Variants in DNAI7 observed in about 807,000 individuals in gnomAD.
DNAI7 encodes dynein axonemal intermediate chain 7.
DNAI7 carries 78 observed loss-of-function variants against 86.6 expected under a neutral mutation model. The observed-to-expected ratio is 0.90, with a 90% confidence interval of 0.75 to 1.09. DNAI7 has a LOEUF of 1.09. Ranked by LOEUF, DNAI7 falls within the 50% of genes least tolerant of loss-of-function variation. DNAI7 has a pLI of 0.00. For synonymous variants in DNAI7, 274 were observed against 273.0 expected (o/e 1.00, Z -0.04); for missense variants, 753 against 810.2 (o/e 0.93, Z 0.86).
rs199504997 is a variant in DNAI7, at chr12:25,114,760, G to A, written c.1507C>T (p.His503Tyr). 2.5e-5 allele frequency: 40 copies of A among 1,613,612 alleles called. No individual in the cohort carries two copies. Among genetic ancestry groups the A allele is most frequent in the Non-Finnish European group, 3.3e-5 (39 of 1,179,710 alleles). Residue 503 changes from histidine to tyrosine, a missense_variant, in exon 13 of 16, where the codon CAT (histidine) becomes TAT (tyrosine). By Grantham distance (83) the His-to-Tyr change is moderately conservative. Transcript: ENST00000395987. ...CATGACTGGTACGGCATGTTAATAT[G>A]AGCATCTTGAATCAAGGTAACAGGG... ...FGPVTLIQDA[H>Y]INMPYQSWEL... is the part of the protein sequence containing the mutation.
Position 25,108,399 on chromosome 12 carries a change from AAAT to A in DNAI7, c.*146_*148del. 1.4e-6 allele frequency: 1 copy of A among 702,250 alleles called. No individual in the cohort carries two copies. Among genetic ancestry groups the A allele is most frequent in the Non-Finnish European group, 2.2e-6 (1 of 458,182 alleles). 43.5% of individuals were successfully genotyped at this position (702,250 alleles called of 1,614,324 possible). A position where few individuals can be genotyped will look rare whatever the true frequency, so the allele number is the denominator to read the frequency against. ...AAAGGAAAAAAAAATACTGTTTTTA[AAAT>A]AAAACTTGAGTAGAAAATGCAGATT... On this transcript the variant is annotated 3_prime_UTR_variant, in exon 16 of 16. Coordinates refer to ENST00000395987, the MANE Select transcript of DNAI7 (RefSeq NM_018272.5).
chr12:25,160,466 C>T (rs1592522222), intron 3 of DNAI7, among the ~76,000 whole-genome samples: 1 of 152,212 alleles, frequency 6.6e-6, no homozygotes, highest in East Asian at 1.9e-4. Flanking sequence ...ATCACCTGCT[C>T]CACCCTAACT....
At chr12:25,152,160 A>G (rs1044032923) in intron 6 of DNAI7, among the ~76,000 whole-genome samples, 11 of 152,220 alleles carry the variant, frequency 7.2e-5, no homozygotes, top group Non-Finnish European at 1.5e-4. Flanking sequence ...AGGGATAGGA[A>G]TGACAGAAAC....
chr12:25,158,851 C>G, intron 3 of DNAI7: 1 of 357,796 alleles, frequency 2.8e-6, no homozygotes, highest in Non-Finnish European at 5.2e-6. Context: ...TGTTCATCAC[C>G]ACTGGTCATC....
intron 9 of DNAI7, among the ~76,000 whole-genome samples, chr12:25,139,425 C>A (rs1481228637): frequency 6.6e-6 from 1 of 152,192 alleles, no homozygotes; most frequent in Middle Eastern, 3.4e-3. Context: ...AACTACAGAC[C>A]AATATCCCTG....
rs1467889816 is a variant in DNAI7, at chr12:25,114,848, G to A, written c.1419C>T (p.Gly473=). The A allele has an allele frequency of 1.2e-6, 2 of 1,612,924 alleles. No individual in the cohort carries two copies. Among genetic ancestry groups the A allele is most frequent in the Admixed American group, 1.7e-5 (1 of 59,992 alleles). Reference sequence around the variant, plus strand: ...TTGGTTTGTAGGATACATTGCTGATGCCATCAGTTCTCCAATGTTTACCTT... The same window carrying A: ...TTGGTTTGTAGGATACATTGCTGATACCATCAGTTCTCCAATGTTTACCTT... The part of the protein sequence containing the change: ...DAEGKHWRTD[G]ISNVSYKPKE... Residue 473 remains glycine, a synonymous_variant, in exon 13 of 16, where the codon GGC becomes GGT. Transcript: ENST00000395987.
At chr12:25,173,198 A>T (rs1948327476) in intron 2 of DNAI7, among the ~76,000 whole-genome samples, 1 of 152,210 alleles carries the variant, frequency 6.6e-6, no homozygotes, top group African/African-American at 2.4e-5. Flanking sequence ...CAATGTATAC[A>T]TCTGACAAAG....
At chr12:25,122,246 C>A (rs1460559684) in intron 10 of DNAI7, among the ~76,000 whole-genome samples, 1 of 151,850 alleles carries the variant, frequency 6.6e-6, no homozygotes, top group Non-Finnish European at 1.5e-5. Context: ...TCGCTTGAGC[C>A]TAGGAGTTTA....
chr12:25,121,471 GA>G (rs1941282572), intron 11 of DNAI7, among the ~76,000 whole-genome samples: 1 of 152,136 alleles, frequency 6.6e-6, no homozygotes, highest in South Asian at 2.1e-4. Flanking sequence ...CTCTGATCTA[GA>G]ATATTATTAT....
At chr12:25,127,907 T>C (rs1942370789) in intron 9 of DNAI7, among the ~76,000 whole-genome samples, 1 of 152,218 alleles carries the variant, frequency 6.6e-6, no homozygotes, top group South Asian at 2.1e-4. Flanking sequence ...TAGGTTTATA[T>C]GGTATGTGTT....
rs528748078 is a variant in DNAI7, at chr12:25,165,577, TCTGA to T, written c.22-4384_22-4381del. Among the ~76,000 whole-genome samples, 485 of 152,370 alleles carry T rather than the reference TCTGA, an allele frequency of 3.2e-3. 1 individual carries two copies. The highest frequency in any genetic ancestry group is 0.011 in the African/African-American group (464 of 41,586). ...CCCCTGGAACTCTGGCCCAAGGCTC[TCTGA>T]CTGACTCCTTCCCAGATCTTCTCAG... is the stretch of plus-strand genomic sequence containing the variant. On this transcript the variant is annotated intron_variant, in intron 2 of 15. Transcript: ENST00000395987.
rs745677525 is a variant in DNAI7, at chr12:25,147,076, CT to C, written c.613del (p.Ser205ValfsTer45). 1 of 1,601,856 alleles carries C rather than the reference CT, an allele frequency of 6.2e-7. No homozygotes were observed. Among genetic ancestry groups the C allele is most frequent in the East Asian group, 2.2e-5 (1 of 44,814 alleles). On this transcript the variant is annotated frameshift_variant, in exon 8 of 16. Coordinates refer to ENST00000395987, the MANE Select transcript of DNAI7 (RefSeq NM_018272.5). LOFTEE classifies it high-confidence loss of function. ...TTTAATGACTTTTTCCATATTTCCA[CT>C]GTCCAGATCTGCCAAAGTACTAGCT... ...KQASTLADLDSGNMEKVIKDE... is the reference protein window; with the variant it reads ...KQASTLADLDXGNMEKVIKDE...
chr12:25,136,854 A>G (rs537281276), intron 9 of DNAI7, among the ~76,000 whole-genome samples: 1 of 152,266 alleles, frequency 6.6e-6, no homozygotes, highest in African/African-American at 2.4e-5. Context: ...AACCCAACCC[A>G]ACAAAGAAAA....
chr12:25,141,727 G>T (rs1006470086), intron 9 of DNAI7, among the ~76,000 whole-genome samples: 1 of 152,114 alleles, frequency 6.6e-6, no homozygotes, highest in African/African-American at 2.4e-5. Flanking sequence ...CTACTCAGGA[G>T]TCTCAGGCAA....
intron 2 of DNAI7, among the ~76,000 whole-genome samples, chr12:25,184,966 TAAAA>T (rs35375688): frequency 9.4e-6 from 1 of 106,512 alleles, no homozygotes; most frequent in Non-Finnish European, 2.0e-5. Context: ...CCCATCTCTA[TAAAA>T]AAAAAAAAAA....
At chr12:25,186,059 A>G (rs1041371731) in intron 2 of DNAI7, among the ~76,000 whole-genome samples, 3 of 152,208 alleles carry the variant, frequency 2.0e-5, no homozygotes, top group Non-Finnish European at 4.4e-5. Context: ...AATCATCTAT[A>G]TATTCATCAA....
Position 25,108,746 on chromosome 12 carries a change from T to C in DNAI7, c.1971A>G (p.Gln657=). 6.7e-7 allele frequency: 1 copy of C among 1,499,778 alleles called. No homozygotes were observed. The highest frequency in any genetic ancestry group is 9.0e-7 in the Non-Finnish European group (1 of 1,110,242). The allele number at this position is 1,499,778 out of a possible 1,614,324, so 92.9% of individuals were successfully genotyped here. A position where few individuals can be genotyped will look rare whatever the true frequency, so the allele number is the denominator to read the frequency against. The part of the protein sequence containing the change: ...ALLMFSGDRA[Q]RLKIKEESEA... ...CACTCTCTTCCTTGATCTTCAGTCTTTGTGCTCTGTCACCACTAAACATTA... is the reference window on the plus strand; with the variant it reads ...CACTCTCTTCCTTGATCTTCAGTCTCTGTGCTCTGTCACCACTAAACATTA... The change falls in exon 16 of 16, where the codon CAA becomes CAG. Residue 657 remains glutamine (Q), a synonymous_variant. Coordinates refer to ENST00000395987, the MANE Select transcript of DNAI7 (RefSeq NM_018272.5).
chr12:25,185,382 ATAT>A (rs1340103609), intron 2 of DNAI7, among the ~76,000 whole-genome samples: 1 of 152,246 alleles, frequency 6.6e-6, no homozygotes, highest in Non-Finnish European at 1.5e-5. Context: ...AAAGATCAAA[ATAT>A]TATTTCTGAT....
chr12:25,139,253 T>C (rs1402935955), intron 9 of DNAI7, among the ~76,000 whole-genome samples: 1 of 151,880 alleles, frequency 6.6e-6, no homozygotes, highest in African/African-American at 2.4e-5. Flanking sequence ...CAGAACCAGA[T>C]GGATTCACAG....
Sources: allele counts gnomAD v4.1 joint callset (sites outside exome capture counted in the v4.1 genomes callset), GRCh38; gene constraint gnomAD v4.1.1; transcripts MANE v1.5; gene names NCBI Gene and HGNC (gene_info 2026-07-23, HGNC 2026-07-21).